The following RWDD4 variants were observed in gnomAD, a reference collection of about 807,000 sequenced individuals.
RWDD4 encodes RWD domain containing 4.
A neutral mutation model predicts 30.0 loss-of-function variants in RWDD4; 16 were observed. The ratio of observed to expected loss-of-function variants is 0.53; its 90% confidence interval spans 0.36 to 0.81. The LOEUF (loss-of-function observed/expected upper bound fraction) is 0.81, where lower values mean the gene tolerates loss of function less well. Among genes scored for constraint, RWDD4 ranks in the 30% least tolerant of loss-of-function variants. RWDD4 has a pLI of 0.00. For missense variants in RWDD4, 170 were observed against 223.9 expected (o/e 0.76, Z 1.54); for synonymous variants, 45 against 72.1 (o/e 0.62, Z 1.90).
intron 2 of RWDD4, among the ~76,000 whole-genome samples, chr4:183,655,485 CAT>C (rs1734172685): frequency 1.3e-5 from 2 of 151,994 alleles, no homozygotes; most frequent in Non-Finnish European, 2.9e-5. Flanking sequence ...GGGGTTTCAC[CAT>C]GTTGGCCAGG....
chr4:183,657,455 G>A (rs1301952288), intron 1 of RWDD4, among the ~76,000 whole-genome samples: 3 of 152,176 alleles, frequency 2.0e-5, no homozygotes, highest in African/African-American at 7.2e-5. Context: ...AGTGAATAAT[G>A]CTGATGGCTG....
intron 5 of RWDD4, 34 bp from the exon 6 acceptor site, chr4:183,646,571 G>T: frequency 6.4e-7 from 1 of 1,573,614 alleles, no homozygotes; most frequent in South Asian, 1.2e-5. Context: ...TTATTTCTAA[G>T]ACCAACCAGC....
intron 2 of RWDD4, among the ~76,000 whole-genome samples, chr4:183,654,737 G>T (rs1276467815): frequency 6.6e-6 from 1 of 152,142 alleles, no homozygotes; most frequent in African/African-American, 2.4e-5. Context: ...GACATTTGAG[G>T]TCCATGGTTA....
At chr4:183,658,873 C>T (rs1734290716) in intron 1 of RWDD4, 56 bp downstream of exon 1, 3 of 1,226,368 alleles carry the variant, frequency 2.4e-6, no homozygotes, top group Non-Finnish European at 1.0e-6. Context: ...CTCACGGGGG[C>T]CCGGGGCTGC....
chr4:183,647,930 ACAGAAGAAAGGACATTTAAAAGGCCCT>A (rs1218924656), intron 5 of RWDD4, among the ~76,000 whole-genome samples: 1 of 152,224 alleles, frequency 6.6e-6, no homozygotes, highest in African/African-American at 2.4e-5. Context: ...CCATTCCATT[ACAGAAGAAAGGACATTTAAAAGGCCCT>A]CACCAGGCCG....
intron 7 of RWDD4, among the ~76,000 whole-genome samples, chr4:183,644,140 C>T (rs1023323273): frequency 6.6e-6 from 1 of 152,164 alleles, no homozygotes; most frequent in African/African-American, 2.4e-5. Context: ...AGAGAGGCAA[C>T]ATTTTGACTA....
chr4:183,643,355 G>GCA lies in RWDD4; in HGVS notation c.535-1889_535-1888dup, dbSNP rs1159988209. Among the ~76,000 whole-genome samples, 5 of 125,666 alleles carry GCA rather than the reference G, an allele frequency of 4.0e-5. No individual in the cohort carries two copies. In the East Asian group the frequency reaches 1.2e-3, roughly 30 times the overall value. The allele number at this position is 125,666 out of a possible 152,430, so 82.4% of individuals were successfully genotyped here. A position where few individuals can be genotyped will look rare whatever the true frequency, so the allele number is the denominator to read the frequency against. Reference sequence around the variant, plus strand: ...CGCTTGAACCTGGGAGGCAGAGGTTGCACTGACCTGAAATTGCGCCACTGA... The same window carrying GCA: ...CGCTTGAACCTGGGAGGCAGAGGTTGCACACTGACCTGAAATTGCGCCACTGA... On this transcript the variant is annotated intron_variant, in intron 7 of 7. Coordinates refer to ENST00000326397, the MANE Select transcript of RWDD4 (RefSeq NM_152682.4).
intron 2 of RWDD4, among the ~76,000 whole-genome samples, chr4:183,655,575 C>T (rs547532798): frequency 1.2e-4 from 19 of 152,222 alleles, no homozygotes; most frequent in Middle Eastern, 6.8e-3. Context: ...AGAGCCACCG[C>T]GCCCAGCCCT....
rs138063929 is a variant in RWDD4 at position 183,641,749 on chromosome 4, T to C, written c.535-281A>G. Among the ~76,000 whole-genome samples, 281 of 152,300 alleles carry C rather than the reference T, an allele frequency of 1.8e-3. 1 individual carries two copies. Among genetic ancestry groups the C allele is most frequent in the African/African-American group, 6.1e-3 (252 of 41,568 alleles). On this transcript the variant is annotated intron_variant, in intron 7 of 7. Transcript: ENST00000326397. ...CTAGGAAGTAAACTGGAACCAAGAA[T>C]ATACAAATAGAAGGTACCATCTATA...
chr4:183,654,991 A>G (rs1406993196), intron 2 of RWDD4, among the ~76,000 whole-genome samples: 1 of 151,120 alleles, frequency 6.6e-6, no homozygotes, highest in African/African-American at 2.4e-5. Context: ...CCCAGACTGG[A>G]GTGCAGTGGC....
chr4:183,649,999 T>A (rs1734044862), intron 4 of RWDD4, among the ~76,000 whole-genome samples: 2 of 152,168 alleles, frequency 1.3e-5, no homozygotes, highest in Non-Finnish European at 2.9e-5. Flanking sequence ...AACATCCTGG[T>A]TCCCGGAAGA....
chr4:183,651,398 A>T (rs999279845), intron 2 of RWDD4, 71 bp from the exon 3 acceptor site: 5 of 1,123,052 alleles, frequency 4.5e-6, no homozygotes, highest in Non-Finnish European at 6.7e-6. Flanking sequence ...ATAATCTTCA[A>T]AAGGGTGAAT....
In RWDD4 at chr4:183,648,836, A is replaced by G. The variant is rs560781044; in HGVS notation, c.481+615T>C. 3.4e-4 allele frequency among the ~76,000 whole-genome samples: 51 copies of G among 152,082 alleles called. No individual in the cohort carries two copies. The South Asian group carries it at 0.01, about 31-fold the overall frequency. ...TGACCTCTTGTGATGAAGTAGTAGT[A>G]AATATTTTCTTTTTTTTTTCTTTTT... On this transcript the variant is annotated intron_variant, in intron 5 of 7. Transcript: ENST00000326397.
intron 7 of RWDD4, among the ~76,000 whole-genome samples, chr4:183,642,976 G>A (rs964863540): frequency 6.6e-6 from 1 of 151,078 alleles, no homozygotes. Context: ...GGAGAATGGC[G>A]TGAACCCGGG....
At chr4:183,656,789 G>A (rs1193652325) in intron 1 of RWDD4, among the ~76,000 whole-genome samples, 2 of 152,232 alleles carry the variant, frequency 1.3e-5, no homozygotes, top group African/African-American at 4.8e-5. Context: ...ACTTTGGGAG[G>A]CCGAGGCGGG....
intron 2 of RWDD4, among the ~76,000 whole-genome samples, chr4:183,654,838 T>C (rs1305186439): frequency 6.6e-6 from 1 of 152,216 alleles, no homozygotes; most frequent in South Asian, 2.1e-4. Context: ...CCATCGATCA[T>C]GCATAAGAAT....
chr4:183,652,224 T>C (rs1407558568), intron 2 of RWDD4, among the ~76,000 whole-genome samples: 1 of 152,174 alleles, frequency 6.6e-6, no homozygotes, highest in East Asian at 1.9e-4. Context: ...AACTACCCAA[T>C]CATATCTAAA....
At chr4:183,644,921 G>A (rs1733939406) in intron 7 of RWDD4, among the ~76,000 whole-genome samples, 1 of 152,106 alleles carries the variant, frequency 6.6e-6, no homozygotes, top group African/African-American at 2.4e-5. Flanking sequence ...GCAACAAAGT[G>A]AGACCCTGTC....
intron 5 of RWDD4, among the ~76,000 whole-genome samples, chr4:183,649,140 G>A (rs1044288399): frequency 1.9e-4 from 29 of 152,258 alleles, no homozygotes; most frequent in African/African-American, 6.7e-4. Context: ...ACGGCTGGGC[G>A]TGGTGGCTCA....
Sources: gnomAD v4.1 joint callset for allele counts (sites outside exome capture counted in the v4.1 genomes callset) on GRCh38, gnomAD v4.1.1 for gene constraint, MANE v1.5 for transcripts, NCBI Gene and HGNC (gene_info 2026-07-23, HGNC 2026-07-21) for gene names.